The following SLC25A43 variants were observed in gnomAD, a reference collection of about 807,000 sequenced individuals.
SLC25A43 encodes solute carrier family 25, member 43.
Under a neutral mutation model 22.8 loss-of-function variants are expected in SLC25A43, and 10 were observed. That is an observed-to-expected ratio of 0.44 (90% CI 0.27 to 0.74). The LOEUF (loss-of-function observed/expected upper bound fraction) is 0.74, where lower values mean the gene tolerates loss of function less well. Ranked by LOEUF, SLC25A43 falls within the 30% of genes least tolerant of loss-of-function variation. The pLI is 0.17. For synonymous variants in SLC25A43, 106 were observed against 121.6 expected, an observed-to-expected ratio of 0.87 and a Z score of 0.84; for missense variants, 233 against 279.1, an observed-to-expected ratio of 0.83 and a Z score of 1.18.
At chrX:119,428,315 C>T (rs978152867) in intron 3 of SLC25A43, among the ~76,000 whole-genome samples, 9 of 111,175 alleles carry the variant, frequency 8.1e-5, no homozygotes, top group Admixed American at 4.8e-4. Context: ...ATTAGCTGAG[C>T]GTGGTGGTGG....
At position 119,410,263 on chromosome X, in the gene SLC25A43, T is replaced by C. The variant is rs146155477; in HGVS notation, c.591T>C (p.Asp197=). 2.5e-6 allele frequency: 3 copies of C among 1,210,204 alleles called. No individual in the cohort carries two copies. In the African/African-American group the frequency reaches 5.2e-5, roughly 21 times the overall value. Residue 197 remains aspartate (D), a synonymous_variant, in exon 3 of 5, where the codon GAT becomes GAC. Transcript: ENST00000217909. ...AGAAAATCTGGAACGGACCCCGAGATCAGTTCTCTCTCCCACAGAACTTTG... is the reference window on the plus strand; with the variant it reads ...AGAAAATCTGGAACGGACCCCGAGACCAGTTCTCTCTCCCACAGAACTTTG... ...NLEKIWNGPR[D]QFSLPQNFAN... is the part of the protein sequence containing the mutation.
intron 3 of SLC25A43, among the ~76,000 whole-genome samples, chrX:119,447,340 C>G (rs1182117200): frequency 9.0e-6 from 1 of 111,190 alleles, no homozygotes; most frequent in Admixed American, 9.6e-5. Flanking sequence ...TGGACTCACT[C>G]TATCGCCCAG....
chrX:119,422,482 T>C (rs960467869), intron 3 of SLC25A43, among the ~76,000 whole-genome samples: 3 of 112,811 alleles, frequency 2.7e-5, no homozygotes, highest in Non-Finnish European at 5.6e-5. Context: ...GTGTCCCTTA[T>C]TTCCTCTAGA....
chrX:119,414,002 T>G (rs992924219), intron 3 of SLC25A43, among the ~76,000 whole-genome samples: 3 of 111,926 alleles, frequency 2.7e-5, no homozygotes, highest in East Asian at 5.5e-4. Context: ...TCATGAAATG[T>G]GCACTCCAGA....
At chrX:119,411,500 C>CAAAAAA (rs776366223) in intron 3 of SLC25A43, among the ~76,000 whole-genome samples, 1 of 52,547 alleles carries the variant, frequency 1.9e-5, no homozygotes, top group Non-Finnish European at 3.8e-5. Context: ...AACTCTGTCT[C>CAAAAAA]AAAAAAAAAA....
chrX:119,408,952 C>A (rs760158659), intron 2 of SLC25A43, among the ~76,000 whole-genome samples: 46 of 110,130 alleles, frequency 4.2e-4, no homozygotes, highest in Non-Finnish European at 7.2e-4. Context: ...AGCTAGAGAT[C>A]AGTCCCTCCT....
chrX:119,429,259 C>T (rs1305522036), intron 3 of SLC25A43, among the ~76,000 whole-genome samples: 2 of 110,750 alleles, frequency 1.8e-5, no homozygotes, highest in Non-Finnish European at 3.8e-5. Context: ...ACCATGTTGG[C>T]CAGGATGGTC....
chrX:119,425,712 A>G (rs1432867217), intron 3 of SLC25A43, among the ~76,000 whole-genome samples: 1 of 110,070 alleles, frequency 9.1e-6, no homozygotes, highest in Non-Finnish European at 1.9e-5. Flanking sequence ...GAGCGTCACT[A>G]TTAAAGTGAA....
intron 1 of SLC25A43, among the ~76,000 whole-genome samples, chrX:119,405,848 A>G (rs1325880322): frequency 1.8e-5 from 2 of 110,601 alleles, no homozygotes; most frequent in Non-Finnish European, 3.8e-5. Flanking sequence ...TCTGGCCAAC[A>G]TGGTGAAACT....
chrX:119,418,735 A>G (rs1007010224), intron 3 of SLC25A43, among the ~76,000 whole-genome samples: 4 of 111,984 alleles, frequency 3.6e-5, no homozygotes, highest in Non-Finnish European at 5.6e-5. Context: ...GCATGTCTTG[A>G]TAGAATGGCT....
In SLC25A43 at chrX:119,406,308, T is replaced by TG. The variant is rs761976630; in HGVS notation, c.276-151dup. The TG allele has an allele frequency of 5.2e-6, 3 of 578,843 alleles. No individual in the cohort carries two copies. In the African/African-American group the frequency reaches 6.9e-5, roughly 13 times the overall value. The allele number at this position is 578,843 out of a possible 1,213,427, so 47.7% of individuals were successfully genotyped here. On this transcript the variant is annotated intron_variant, in intron 1 of 4. Coordinates refer to ENST00000217909, the MANE Select transcript of SLC25A43 (RefSeq NM_145305.3). Reference sequence around the variant, plus strand: ...TCATATAAATATAGAAAAATGTAAATGTATTATTCATGAATGCTTATATAG... The same window carrying TG: ...TCATATAAATATAGAAAAATGTAAATGGTATTATTCATGAATGCTTATATAG...
At chrX:119,403,167 G>C (rs16995511) in intron 1 of SLC25A43, among the ~76,000 whole-genome samples, 6,209 of 111,067 alleles carry the variant, frequency 0.056, 170 homozygotes, top group South Asian at 0.11. Context: ...CTATGCCCTA[G>C]AAGTGACCAA....
At position 119,453,031 on chromosome X, in the gene SLC25A43, C is replaced by T. The variant is rs200466042; in HGVS notation, c.992C>T (p.Thr331Met). 111 of 1,208,951 alleles carry T rather than the reference C, an allele frequency of 9.2e-5. 2 individuals are homozygous for T. The highest frequency in any genetic ancestry group is 7.6e-5 in the Non-Finnish European group (68 of 894,758). ...CGAGAATTAAAGAAGTTCTTCAAAACGAGAAAACCGAAGCCTAAAAAACCA... is the reference window on the plus strand; with the variant it reads ...CGAGAATTAAAGAAGTTCTTCAAAATGAGAAAACCGAAGCCTAAAAAACCA... ...ELRELKKFFK[T>M]RKPKPKKPTL The change falls in exon 5 of 5, where the codon ACG becomes ATG. Residue 331 changes from threonine (T) to methionine (M), a missense_variant. Physicochemically the swap from Thr to Met is moderately conservative, Grantham distance 81. Transcript: ENST00000217909.
chrX:119,410,381 G>T lies in SLC25A43; in HGVS notation c.690+19G>T, dbSNP rs201862927. The stretch of plus-strand genomic sequence containing the variant: ...GATGCAGGTGAGGAGTTATCAGAGT[G>T]GGGTAGGGGGTGGAATGCTTTGTAG... On this transcript the variant is annotated intron_variant, in intron 3 of 4. Transcript: ENST00000217909. The T allele has an allele frequency of 5.9e-5, 71 of 1,204,300 alleles. No individual in the cohort carries two copies. The East Asian group carries it at 1.6e-3, about 28-fold the overall frequency.
chrX:119,415,136 G>A (rs185359724), intron 3 of SLC25A43, among the ~76,000 whole-genome samples: 1,117 of 109,468 alleles, frequency 0.01, 9 homozygotes, highest in Non-Finnish European at 0.015. Context: ...AGTTGGCCAG[G>A]ATGGTCTCAA....
chrX:119,452,047 T>C lies in SLC25A43; in HGVS notation c.729T>C (p.Asp243=), dbSNP rs765731915. The change falls in exon 4 of 5, where the codon GAT becomes GAC. Residue 243 remains aspartate (D), a synonymous_variant. Coordinates refer to ENST00000217909, the MANE Select transcript of SLC25A43 (RefSeq NM_145305.3). ...ACCTCCCACACAGTGGAGGAGTAGA[T>C]GTCCATTTCTCAGGAGCAGTGGACT... is the stretch of plus-strand genomic sequence containing the variant. ...SPYLPHSGGV[D]VHFSGAVDCF... 3.3e-6 allele frequency: 4 copies of C among 1,208,898 alleles called. No homozygotes were observed. Among genetic ancestry groups the C allele is most frequent in the South Asian group, 3.5e-5 (2 of 56,740 alleles).
intron 2 of SLC25A43, among the ~76,000 whole-genome samples, chrX:119,408,627 A>G (rs1304307626): frequency 2.7e-5 from 3 of 112,244 alleles, no homozygotes; most frequent in Admixed American, 9.5e-5. Context: ...TGAGCCAATT[A>G]AATAAACATT....
chrX:119,400,156 G>C (rs217977), intron 1 of SLC25A43, among the ~76,000 whole-genome samples: 34 of 108,315 alleles, frequency 3.1e-4, no homozygotes, highest in African/African-American at 1.1e-3. Flanking sequence ...GAAAGGACCC[G>C]ATCCATCGAT....
At chrX:119,412,767 T>C (rs923511273) in intron 3 of SLC25A43, among the ~76,000 whole-genome samples, 1 of 112,277 alleles carries the variant, frequency 8.9e-6, no homozygotes, top group Non-Finnish European at 1.9e-5. Flanking sequence ...ATCTATTACT[T>C]TTTTGTTTGT....
Sources: allele counts gnomAD v4.1 joint callset (sites outside exome capture counted in the v4.1 genomes callset), GRCh38; gene constraint gnomAD v4.1.1; transcripts MANE v1.5; gene names NCBI Gene and HGNC (gene_info 2026-07-23, HGNC 2026-07-21).